The following BARD1 variants were observed in gnomAD, a reference collection of about 807,000 sequenced individuals.
BARD1 encodes BRCA1-associated RING domain protein 1.
Under a neutral mutation model 77.0 loss-of-function variants are expected in BARD1, and 73 were observed. The observed-to-expected ratio is 0.95, with a 90% CI of 0.79 to 1.15. The LOEUF is 1.15. Ranked by LOEUF, BARD1 falls within the 50% of genes most tolerant of loss-of-function variation. BARD1 has a pLI of 0.00. For missense variants in BARD1, 993 were observed against 938.8 expected (o/e 1.06, Z -0.75); for synonymous variants, 384 against 338.0 (o/e 1.14, Z -1.49).
chr2:214,741,955 T>C (rs1336479546), intron 9 of BARD1, among the ~76,000 whole-genome samples: 1 of 152,210 alleles, frequency 6.6e-6, no homozygotes, highest in Non-Finnish European at 1.5e-5. Flanking sequence ...TGGTTTAGTT[T>C]ATAAAATGTG....
intron 3 of BARD1, 52 bp downstream of exon 3, chr2:214,792,245 C>A: frequency 6.6e-7 from 1 of 1,521,828 alleles, no homozygotes; most frequent in Non-Finnish European, 9.0e-7. Flanking sequence ...AATATGAATT[C>A]ATCAGTTTTT....
chr2:214,784,270 A>G (rs1049010897), intron 3 of BARD1, among the ~76,000 whole-genome samples: 1 of 152,158 alleles, frequency 6.6e-6, no homozygotes, highest in African/African-American at 2.4e-5. Flanking sequence ...GCCAACAAAC[A>G]CGAAAAAAAA....
intron 6 of BARD1, among the ~76,000 whole-genome samples, chr2:214,766,184 T>G (rs1574784991): frequency 6.6e-6 from 1 of 152,196 alleles, no homozygotes; most frequent in African/African-American, 2.4e-5. Context: ...GTGACACTCT[T>G]GACAATGCCA....
intron 6 of BARD1, among the ~76,000 whole-genome samples, chr2:214,761,896 A>C (rs777956899): frequency 6.6e-6 from 1 of 152,222 alleles, no homozygotes; most frequent in Non-Finnish European, 1.5e-5. Context: ...GACAAATGCA[A>C]TAAGAAATAG....
At chr2:214,745,494 T>G (rs1291565766) in intron 8 of BARD1, among the ~76,000 whole-genome samples, 1 of 152,246 alleles carries the variant, frequency 6.6e-6, no homozygotes, top group Non-Finnish European at 1.5e-5. Context: ...TCTGAAATAC[T>G]GTCTTGTCCT....
rs200715720 is a variant in BARD1, at chr2:214,797,041, A to T, written c.215+20T>A. 4 of 1,588,222 alleles carry T rather than the reference A, an allele frequency of 2.5e-6. No homozygotes were observed. The highest frequency in any genetic ancestry group is 4.5e-5 in the East Asian group (2 of 44,652). On this transcript the variant is annotated intron_variant, in intron 2 of 10. Coordinates refer to ENST00000260947, the MANE Select transcript of BARD1 (RefSeq NM_000465.4). ...TAAAAAATACAGTTGTACTATATAC[A>T]TCAAACCGTAATTACTTACCTACAG...
intron 3 of BARD1, among the ~76,000 whole-genome samples, chr2:214,785,642 A>G (rs1015618587): frequency 1.1e-4 from 16 of 151,972 alleles, no homozygotes; most frequent in Admixed American, 3.9e-4. Flanking sequence ...AGAAGGAAGG[A>G]GTCCCCTAAC....
At chr2:214,745,222 C>T (rs1301934941) in intron 8 of BARD1, 63 bp from the exon 9 acceptor site, 9 of 1,345,178 alleles carry the variant, frequency 6.7e-6, no homozygotes, top group Non-Finnish European at 8.5e-6. Flanking sequence ...CTTTGGCCTG[C>T]TTCTTATAAC....
chr2:214,731,025 G>A, intron 9 of BARD1: 1 of 398,936 alleles, frequency 2.5e-6, no homozygotes, highest in South Asian at 1.9e-5. Flanking sequence ...CACACAACAG[G>A]GGTTCAACAG....
At chr2:214,762,742 A>T (rs1365408493) in intron 6 of BARD1, among the ~76,000 whole-genome samples, 1 of 152,220 alleles carries the variant, frequency 6.6e-6, no homozygotes, top group East Asian at 1.9e-4. Context: ...AATTTCAATC[A>T]ACATCCTAAT....
intron 9 of BARD1, among the ~76,000 whole-genome samples, chr2:214,736,596 T>G (rs1377676099): frequency 6.6e-6 from 1 of 152,152 alleles, no homozygotes. Context: ...TTTATTTGAC[T>G]GATTATTTAC....
intron 9 of BARD1, among the ~76,000 whole-genome samples, chr2:214,742,576 T>C (rs1228695464): frequency 6.6e-6 from 1 of 152,174 alleles, no homozygotes; most frequent in Non-Finnish European, 1.5e-5. Flanking sequence ...ACCATTGATA[T>C]TAGAGGATGT....
intron 6 of BARD1, among the ~76,000 whole-genome samples, chr2:214,765,599 C>T (rs1437305033): frequency 6.6e-6 from 1 of 152,170 alleles, no homozygotes; most frequent in African/African-American, 2.4e-5. Context: ...GATTTAAGAA[C>T]CCTAGAATGA....
intron 1 of BARD1, 56 bp from the exon 2 acceptor site, chr2:214,797,173 A>C: frequency 1.5e-6 from 2 of 1,367,174 alleles, no homozygotes; most frequent in Non-Finnish European, 2.1e-6. Flanking sequence ...TAAACATCTC[A>C]CACCCAATAT....
chr2:214,780,436 G>A (rs1694929365), intron 4 of BARD1, 124 bp downstream of exon 4: 2 of 847,342 alleles, frequency 2.4e-6, no homozygotes, highest in Non-Finnish European at 3.8e-6. Flanking sequence ...CTGGTTCAGA[G>A]GAAGTATCAT....
At chr2:214,741,683 GT>G (rs1383596413) in intron 9 of BARD1, among the ~76,000 whole-genome samples, 1 of 151,988 alleles carries the variant, frequency 6.6e-6, no homozygotes, top group Non-Finnish European at 1.5e-5. Context: ...TCCTATTTCT[GT>G]AAAATATAAA....
intron 6 of BARD1, among the ~76,000 whole-genome samples, chr2:214,754,024 AATCTCAGGGTATTT>A (rs1234232926): frequency 6.6e-6 from 1 of 152,150 alleles, no homozygotes; most frequent in Admixed American, 6.6e-5. Context: ...TACAGCAGAC[AATCTCAGGGTATTT>A]TAAAAGAAAC....
chr2:214,747,303 C>T (rs1170589212), intron 7 of BARD1, among the ~76,000 whole-genome samples: 11 of 150,330 alleles, frequency 7.3e-5, no homozygotes, highest in Non-Finnish European at 1.6e-4. Context: ...TGTGGCGATT[C>T]CTCAGGGATC....
At position 214,781,513 on chromosome 2, in the gene BARD1, A is replaced by G. The variant is rs1553622735; in HGVS notation, c.365-4T>C. 1 of 1,604,976 alleles carries G rather than the reference A, an allele frequency of 6.2e-7. No homozygotes were observed. Among genetic ancestry groups the G allele is most frequent in the Middle Eastern group, 1.7e-4 (1 of 5,968 alleles). On this transcript the variant is annotated splice_polypyrimidine_tract_variant and splice_region_variant and intron_variant, in intron 3 of 10. Coordinates refer to ENST00000260947, the MANE Select transcript of BARD1 (RefSeq NM_000465.4). ...CTAGGTTTATCTTCTTTCAAATCTGACAGAAAAAAAGAAAAAGAAATCTGT... is the reference window on the plus strand; with the variant it reads ...CTAGGTTTATCTTCTTTCAAATCTGGCAGAAAAAAAGAAAAAGAAATCTGT...
Sources: allele counts gnomAD v4.1 joint callset (sites outside exome capture counted in the v4.1 genomes callset), GRCh38; gene constraint gnomAD v4.1.1; transcripts MANE v1.5; gene names NCBI Gene and HGNC (gene_info 2026-07-23, HGNC 2026-07-21).